Variants in EIF2AK3 observed in about 807,000 individuals in gnomAD.
The protein encoded by EIF2AK3 is eukaryotic translation initiation factor 2-alpha kinase 3.
In EIF2AK3, 50 loss-of-function variants were observed where a neutral mutation model predicts 113.5. The ratio of observed to expected loss-of-function variants is 0.44; its 90% CI spans 0.35 to 0.56. The LOEUF (loss-of-function observed/expected upper bound fraction) is 0.56. Among genes scored for constraint, EIF2AK3 ranks in the 20% least tolerant of loss-of-function variants. The pLI is 0.00. For synonymous variants in EIF2AK3, 448 were observed against 495.4 expected (o/e 0.90, Z 1.27); for missense variants, 1,185 against 1,378.0 (o/e 0.86, Z 2.22).
At chr2:88,587,838 T>G in intron 8 of EIF2AK3, 144 bp downstream of exon 8, 1 of 554,964 alleles carries the variant, frequency 1.8e-6, no homozygotes. Flanking sequence ...AACCTAACTT[T>G]GGAGCTTGTA....
At chr2:88,605,822 C>T (rs1675256947) in intron 2 of EIF2AK3, among the ~76,000 whole-genome samples, 1 of 151,566 alleles carries the variant, frequency 6.6e-6, no homozygotes. Context: ...ATTTTTACTT[C>T]CCTGGAAACA....
chr2:88,604,395 C>T (rs181226223), intron 2 of EIF2AK3, among the ~76,000 whole-genome samples: 17 of 152,286 alleles, frequency 1.1e-4, no homozygotes, highest in African/African-American at 4.1e-4. Flanking sequence ...GCATAATCCT[C>T]CCCCTCCTCT....
intron 2 of EIF2AK3, among the ~76,000 whole-genome samples, chr2:88,607,606 C>G (rs1401782336): frequency 6.6e-6 from 1 of 152,158 alleles, no homozygotes; most frequent in Non-Finnish European, 1.5e-5. Context: ...GTGGAACTGT[C>G]AATTTCCCTT....
intron 14 of EIF2AK3, among the ~76,000 whole-genome samples, chr2:88,564,196 C>T (rs1674042303): frequency 6.6e-6 from 1 of 152,124 alleles, no homozygotes; most frequent in East Asian, 1.9e-4. Flanking sequence ...ACAAAGTAAC[C>T]ATGGGTCCTG....
intron 8 of EIF2AK3, among the ~76,000 whole-genome samples, chr2:88,586,385 C>G (rs1674733273): frequency 6.6e-6 from 1 of 152,068 alleles, no homozygotes; most frequent in African/African-American, 2.4e-5. Context: ...AATCTTCCTT[C>G]AGGGTATTTT....
intron 2 of EIF2AK3, among the ~76,000 whole-genome samples, chr2:88,607,963 A>T (rs1170734685): frequency 3.3e-5 from 5 of 152,230 alleles, no homozygotes; most frequent in Admixed American, 3.3e-4. Flanking sequence ...TAAATAATTT[A>T]GCCAGTTCAC....
chr2:88,588,908 C>G lies in EIF2AK3; in HGVS notation c.1166-7G>C, dbSNP rs552665840. 11 of 1,613,134 alleles carry G rather than the reference C, an allele frequency of 6.8e-6. No individual in the cohort carries two copies. In the South Asian group the frequency reaches 1.2e-4, roughly 18 times the overall value. ...AGCTGGCCTCTATACATTCCTGAAT[C>G]AACCAGAACATTGTCAATTATGCAT... On this transcript the variant is annotated splice_region_variant and splice_polypyrimidine_tract_variant and intron_variant, in intron 6 of 16. Transcript: ENST00000303236.
chr2:88,590,350 T>C, intron 6 of EIF2AK3, 93 bp downstream of exon 6: 1 of 1,308,500 alleles, frequency 7.6e-7, no homozygotes, highest in South Asian at 1.2e-5. Flanking sequence ...GATTTAAAAC[T>C]ACTACAGGCA....
chr2:88,558,990 AAAAAGTATCACTT>A lies in EIF2AK3; in HGVS notation c.3088-24_3088-12del, dbSNP rs538943881. 2.6e-4 allele frequency: 405 copies of A among 1,537,982 alleles called. 4 individuals carry two copies. In the South Asian group the frequency reaches 4.1e-3, roughly 15 times the overall value. ...TACATCAGTTAAGGTCTAAAAAGAAAAAAAGTATCACTTATTAAGTTTATTTTGACATACAACA... is the reference window on the plus strand; with the variant it reads ...TACATCAGTTAAGGTCTAAAAAGAAAATTAAGTTTATTTTGACATACAACA... On this transcript the variant is annotated splice_polypyrimidine_tract_variant and intron_variant, in intron 15 of 16. Coordinates refer to ENST00000303236, the MANE Select transcript of EIF2AK3 (RefSeq NM_004836.7).
At chr2:88,593,120 C>A in intron 4 of EIF2AK3, 152 bp downstream of exon 4, 2 of 870,844 alleles carry the variant, frequency 2.3e-6, no homozygotes, top group African/African-American at 1.7e-5. Context: ...CAAGCCTGGG[C>A]GACAGAGCAA....
chr2:88,591,527 T>C (rs150671428), intron 4 of EIF2AK3, among the ~76,000 whole-genome samples: 102 of 152,306 alleles, frequency 6.7e-4, no homozygotes, highest in South Asian at 1.9e-3. Flanking sequence ...TACTAAAACA[T>C]GGCCTCAAAA....
chr2:88,576,513 C>T (rs747806646), intron 12 of EIF2AK3, 41 bp downstream of exon 12: 13 of 1,611,796 alleles, frequency 8.1e-6, no homozygotes, highest in Middle Eastern at 1.6e-4. Context: ...ATCACACAAG[C>T]AAAAAACTAG....
At chr2:88,616,550 C>T (rs945863797) in intron 1 of EIF2AK3, among the ~76,000 whole-genome samples, 1 of 152,130 alleles carries the variant, frequency 6.6e-6, no homozygotes, top group Admixed American at 6.6e-5. Context: ...CCTCAGCCTC[C>T]CAAGTAGCTG....
At chr2:88,604,258 A>G (rs913665341) in intron 2 of EIF2AK3, among the ~76,000 whole-genome samples, 5 of 152,064 alleles carry the variant, frequency 3.3e-5, no homozygotes, top group Admixed American at 6.6e-5. Context: ...GCCCACCTCA[A>G]TGGGCTCATT....
chr2:88,574,545 C>T, intron 13 of EIF2AK3, 121 bp downstream of exon 13: 1 of 1,267,304 alleles, frequency 7.9e-7, no homozygotes, highest in South Asian at 1.3e-5. Context: ...TCTCAGACCT[C>T]TGCTCTCAGA....
intron 2 of EIF2AK3, among the ~76,000 whole-genome samples, chr2:88,601,498 T>C (rs528711653): frequency 6.6e-6 from 1 of 152,308 alleles, no homozygotes; most frequent in Admixed American, 6.5e-5. Flanking sequence ...CATTCATTCA[T>C]TTATGTATCT....
chr2:88,571,136 C>G, intron 13 of EIF2AK3, 95 bp from the exon 14 acceptor site: 2 of 1,382,576 alleles, frequency 1.4e-6, no homozygotes, highest in Non-Finnish European at 1.0e-6. Context: ...AAAAATACAA[C>G]AAACTAGATA....
At chr2:88,612,760 C>T (rs954829202) in intron 2 of EIF2AK3, among the ~76,000 whole-genome samples, 14 of 152,104 alleles carry the variant, frequency 9.2e-5, no homozygotes, top group African/African-American at 3.4e-4. Context: ...ATTCTCAAAC[C>T]CCTCATGTAC....
chr2:88,606,882 G>C (rs1675292393), intron 2 of EIF2AK3, among the ~76,000 whole-genome samples: 1 of 152,126 alleles, frequency 6.6e-6, no homozygotes, highest in Non-Finnish European at 1.5e-5. Flanking sequence ...CCCTTGGGGA[G>C]AAACATGCCT....
Sources: gnomAD v4.1 joint callset for allele counts (sites outside exome capture counted in the v4.1 genomes callset) on GRCh38, gnomAD v4.1.1 for gene constraint, MANE v1.5 for transcripts, NCBI Gene and HGNC (gene_info 2026-07-23, HGNC 2026-07-21) for gene names.